CNTN1: variants seen among roughly 807,000 people sequenced by gnomAD.
CNTN1 encodes the protein contactin-1.
CNTN1 carries 38 observed loss-of-function variants against 126.4 expected under a neutral mutation model. The observed-to-expected ratio is 0.30, with a 90% CI of 0.23 to 0.39. CNTN1 has a LOEUF of 0.39. Ranked by LOEUF, CNTN1 falls within the 10% of genes least tolerant of loss-of-function variation. The pLI, the probability that CNTN1 is intolerant of heterozygous loss-of-function variation, is 1.00. For synonymous variants in CNTN1, 413 were observed against 422.6 expected, an observed-to-expected ratio of 0.98 and a Z score of 0.28; for missense variants, 1,009 against 1,248.4, an observed-to-expected ratio of 0.81 and a Z score of 2.89.
At chr12:40,813,137 CTTTT>C (rs1340560641) in intron 1 of CNTN1, among the ~76,000 whole-genome samples, 6 of 126,404 alleles carry the variant, frequency 4.7e-5, no homozygotes, top group African/African-American at 1.9e-4. Context: ...TTCTTTCTTT[CTTTT>C]TCTTTCTGCC....
intron 1 of CNTN1, chr12:40,729,885 C>T (rs1324276288): frequency 1.3e-5 from 2 of 159,712 alleles, no homozygotes; most frequent in African/African-American, 4.8e-5. Flanking sequence ...AGCCTCACTA[C>T]ATATCCCAAC....
At chr12:41,044,754 G>C (rs917384553) in intron 23 of CNTN1, among the ~76,000 whole-genome samples, 2 of 152,042 alleles carry the variant, frequency 1.3e-5, no homozygotes, top group Admixed American at 1.3e-4. Flanking sequence ...AATCATTTTT[G>C]GAGAATGTAA....
At chr12:40,956,622 A>G (rs193296391) in intron 14 of CNTN1, among the ~76,000 whole-genome samples, 1 of 152,150 alleles carries the variant, frequency 6.6e-6, no homozygotes, top group East Asian at 1.9e-4. Flanking sequence ...TTGTGGTCCT[A>G]AAAAGAGAAT....
intron 23 of CNTN1, among the ~76,000 whole-genome samples, chr12:41,044,814 C>G (rs192881544): frequency 6.6e-6 from 1 of 152,062 alleles, no homozygotes; most frequent in Admixed American, 6.6e-5. Context: ...AAGGGAGATA[C>G]CTTTATTCAA....
intron 19 of CNTN1, among the ~76,000 whole-genome samples, chr12:41,019,631 CT>C (rs1345257749): frequency 6.6e-6 from 1 of 152,140 alleles, no homozygotes; most frequent in Non-Finnish European, 1.5e-5. Context: ...ATGTCAGTTA[CT>C]TTTTTTCTGT....
intron 23 of CNTN1, among the ~76,000 whole-genome samples, chr12:41,034,425 A>AGTT (rs1400105676): frequency 6.6e-6 from 1 of 152,202 alleles, no homozygotes; most frequent in African/African-American, 2.4e-5. Context: ...TTATATGTTT[A>AGTT]ACTCCATCAC....
intron 1 of CNTN1, among the ~76,000 whole-genome samples, chr12:40,813,317 T>C (rs952576711): frequency 6.6e-6 from 1 of 151,308 alleles, no homozygotes; most frequent in African/African-American, 2.4e-5. Flanking sequence ...CTACACCTAT[T>C]GACCCATCCT....
intron 14 of CNTN1, among the ~76,000 whole-genome samples, chr12:40,957,914 G>C (rs1464379699): frequency 6.6e-6 from 1 of 151,964 alleles, no homozygotes; most frequent in Non-Finnish European, 1.5e-5. Flanking sequence ...TGTTTTCCAA[G>C]AACTGGAGGG....
chr12:40,831,952 T>C (rs1014416126), intron 1 of CNTN1, among the ~76,000 whole-genome samples: 2 of 152,184 alleles, frequency 1.3e-5, no homozygotes, highest in African/African-American at 4.8e-5. Context: ...ATTTTTTAAA[T>C]GGCACCTGGA....
chr12:40,766,660 A>C (rs1939110919), intron 1 of CNTN1, among the ~76,000 whole-genome samples: 2 of 152,218 alleles, frequency 1.3e-5, no homozygotes, highest in Non-Finnish European at 2.9e-5. Flanking sequence ...TTGTAATAGA[A>C]TATATTAGAG....
Position 40,980,878 on chromosome 12 carries a change from C to A in CNTN1, c.1805-31C>A, listed in dbSNP as rs996320490. Reference sequence around the variant, plus strand: ...TGTGTTTGACTCACTAGATGGAATTCACTGATTCATTACCCACATTTTCAT... The same window carrying A: ...TGTGTTTGACTCACTAGATGGAATTAACTGATTCATTACCCACATTTTCAT... On this transcript the variant is annotated intron_variant, in intron 15 of 23. Coordinates refer to ENST00000551295, the MANE Select transcript of CNTN1 (RefSeq NM_001843.4). 6 of 1,607,808 alleles carry A rather than the reference C, an allele frequency of 3.7e-6. No individual in the cohort carries two copies. In the African/African-American group the frequency reaches 8.0e-5, roughly 22 times the overall value.
intron 23 of CNTN1, among the ~76,000 whole-genome samples, chr12:41,040,332 A>C (rs1402466233): frequency 6.6e-6 from 1 of 152,188 alleles, no homozygotes; most frequent in Non-Finnish European, 1.5e-5. Flanking sequence ...TCTGAACAAA[A>C]TATGAAGAGT....
intron 18 of CNTN1, among the ~76,000 whole-genome samples, chr12:41,015,353 G>A (rs1948757300): frequency 1.3e-5 from 2 of 151,896 alleles, no homozygotes; most frequent in South Asian, 4.1e-4. Flanking sequence ...GAATAAGATG[G>A]GCCTTATAAA....
At chr12:40,940,582 C>T (rs1238645509) in intron 12 of CNTN1, among the ~76,000 whole-genome samples, 1 of 152,052 alleles carries the variant, frequency 6.6e-6, no homozygotes, top group Non-Finnish European at 1.5e-5. Flanking sequence ...GTTAAAGTGA[C>T]CTTCTGCAAA....
chr12:41,066,174 TG>T (rs1950046035), intron 23 of CNTN1, among the ~76,000 whole-genome samples: 1 of 152,354 alleles, frequency 6.6e-6, no homozygotes, highest in African/African-American at 2.4e-5. Flanking sequence ...GTAAAATCAT[TG>T]CCTTCTGATA....
chr12:40,949,131 G>A (rs1946550669), intron 14 of CNTN1, among the ~76,000 whole-genome samples: 1 of 150,712 alleles, frequency 6.6e-6, no homozygotes, highest in South Asian at 2.1e-4. Flanking sequence ...CTGTGATCTT[G>A]TACAGAAATT....
intron 1 of CNTN1, among the ~76,000 whole-genome samples, chr12:40,826,627 T>G (rs147277363): frequency 2.7e-3 from 415 of 152,288 alleles, no homozygotes; most frequent in African/African-American, 9.5e-3. Context: ...AGTCTGCACC[T>G]ATTGTCATCA....
intron 1 of CNTN1, among the ~76,000 whole-genome samples, chr12:40,739,234 G>A (rs1380556779): frequency 6.6e-6 from 1 of 151,934 alleles, no homozygotes; most frequent in African/African-American, 2.4e-5. Flanking sequence ...ATGAAAAACT[G>A]CATTTCAAAT....
chr12:40,824,994 A>G (rs1378507677), intron 1 of CNTN1, among the ~76,000 whole-genome samples: 1 of 152,144 alleles, frequency 6.6e-6, no homozygotes, highest in Non-Finnish European at 1.5e-5. Context: ...CGTGTGCATT[A>G]CTCTCCAACA....
Sources: allele counts gnomAD v4.1 joint callset (sites outside exome capture counted in the v4.1 genomes callset), GRCh38; gene constraint gnomAD v4.1.1; transcripts MANE v1.5; gene names NCBI Gene and HGNC (gene_info 2026-07-23, HGNC 2026-07-21).